Variants in PHF14 observed in about 807,000 individuals in gnomAD.
PHF14 encodes the protein PHD finger protein 14.
In PHF14, 55 loss-of-function variants were observed where a neutral mutation model predicts 117.9. The observed-to-expected ratio is 0.47, with a 90% CI of 0.38 to 0.58. PHF14 has a LOEUF of 0.58. Among genes scored for constraint, PHF14 ranks in the 20% least tolerant of loss-of-function variants. The pLI is 0.00. For synonymous variants in PHF14, 409 were observed against 368.6 expected, an observed-to-expected ratio of 1.11 and a Z score of -1.26; for missense variants, 978 against 1,122.2, an observed-to-expected ratio of 0.87 and a Z score of 1.84.
chr7:11,013,470 A>G (rs1457459004), intron 4 of PHF14, among the ~76,000 whole-genome samples: 1 of 152,066 alleles, frequency 6.6e-6, no homozygotes. Flanking sequence ...CCTAATTTTT[A>G]TATTTTTTAA....
intron 4 of PHF14, among the ~76,000 whole-genome samples, chr7:10,998,856 A>G (rs1220821902): frequency 6.6e-6 from 1 of 152,202 alleles, no homozygotes; most frequent in Non-Finnish European, 1.5e-5. Context: ...AATGCTGAGT[A>G]CCATCTCTAC....
intron 4 of PHF14, among the ~76,000 whole-genome samples, chr7:11,005,228 A>C (rs950658974): frequency 1.3e-5 from 2 of 152,180 alleles, no homozygotes; most frequent in African/African-American, 4.8e-5. Flanking sequence ...CACTGATTAC[A>C]ATTACACTGA....
chr7:11,124,613 C>T (rs756546310), intron 17 of PHF14, among the ~76,000 whole-genome samples: 24 of 151,844 alleles, frequency 1.6e-4, no homozygotes, highest in Admixed American at 1.1e-3. Flanking sequence ...TATCTCCTTT[C>T]TGCAGATGAA....
chr7:10,999,435 CTT>C (rs1283866031), intron 4 of PHF14, among the ~76,000 whole-genome samples: 1 of 152,134 alleles, frequency 6.6e-6, no homozygotes, highest in Non-Finnish European at 1.5e-5. Flanking sequence ...TAAAGCAACT[CTT>C]TTACTATAGC....
chr7:11,104,944 TA>T (rs1202574940), intron 16 of PHF14: 27 of 959,714 alleles, frequency 2.8e-5, no homozygotes, highest in Non-Finnish European at 3.2e-5. Flanking sequence ...AACATCTCCT[TA>T]AAAGGTCCCT....
chr7:11,144,686 T>A (rs1158987523), intron 17 of PHF14, among the ~76,000 whole-genome samples: 1 of 151,270 alleles, frequency 6.6e-6, no homozygotes, highest in Non-Finnish European at 1.5e-5. Flanking sequence ...AGTAATTTAG[T>A]GTATATTCTT....
At chr7:11,049,541 A>T (rs1784784023) in intron 13 of PHF14, among the ~76,000 whole-genome samples, 2 of 152,014 alleles carry the variant, frequency 1.3e-5, no homozygotes, top group Admixed American at 1.3e-4. Flanking sequence ...CACTCAACTG[A>T]TAGAAATGAT....
intron 17 of PHF14, among the ~76,000 whole-genome samples, chr7:11,165,283 C>G (rs1407516938): frequency 1.3e-5 from 2 of 152,110 alleles, no homozygotes; most frequent in Admixed American, 6.6e-5. Context: ...CTGATGTTTT[C>G]TCAGATTAGA....
chr7:11,144,297 C>T (rs773154317), intron 17 of PHF14, among the ~76,000 whole-genome samples: 40 of 151,846 alleles, frequency 2.6e-4, no homozygotes, highest in Admixed American at 7.2e-4. Flanking sequence ...TTATGGAAAA[C>T]AGTATGGATG....
At chr7:11,063,595 A>ATT (rs917394197) in intron 16 of PHF14, 30 of 748,708 alleles carry the variant, frequency 4.0e-5, no homozygotes, top group South Asian at 6.0e-5. Context: ...TGTCTTACTA[A>ATT]TTTTTTTTTT....
chr7:11,068,373 A>AT, intron 16 of PHF14, among the ~76,000 whole-genome samples: 1 of 150,856 alleles, frequency 6.6e-6, no homozygotes, highest in Non-Finnish European at 1.5e-5. Flanking sequence ...AAAAAAAAAA[A>AT]TCTGATACTG....
chr7:11,106,424 T>C (rs1787267844), intron 16 of PHF14: 1 of 951,818 alleles, frequency 1.1e-6, no homozygotes, highest in Non-Finnish European at 1.3e-6. Flanking sequence ...AATTATTTTG[T>C]ATAGAAACTG....
At position 11,096,059 on chromosome 7, in the gene PHF14, T is replaced by G. The variant is rs1301300995; in HGVS notation, c.2655-15291T>G. On this transcript the variant is annotated intron_variant, in intron 16 of 17. Coordinates refer to ENST00000634607, the MANE Select transcript of PHF14 (RefSeq NM_001007157.2). The stretch of plus-strand genomic sequence containing the variant: ...TTGTGTCTTTGTCAGAATGCTAACT[T>G]TTAAAGGTTTATTTTAAATAAGGAA... Among the ~76,000 whole-genome samples, 3 of 152,130 alleles carry G rather than the reference T, an allele frequency of 2.0e-5. No individual in the cohort carries two copies. The South Asian group carries it at 6.2e-4, about 32-fold the overall frequency.
chr7:11,077,876 TA>T (rs1053963862), intron 16 of PHF14, among the ~76,000 whole-genome samples: 1 of 152,208 alleles, frequency 6.6e-6, no homozygotes, highest in African/African-American at 2.4e-5. Flanking sequence ...CTTCATAAAA[TA>T]AATGTCAGTT....
At chr7:11,074,412 G>A (rs550865501) in intron 16 of PHF14, among the ~76,000 whole-genome samples, 4 of 151,898 alleles carry the variant, frequency 2.6e-5, no homozygotes, top group East Asian at 1.9e-4. Context: ...GGGTTTCGCC[G>A]TGTTAGCCAG....
chr7:11,097,392 G>T (rs1355502829), intron 16 of PHF14, among the ~76,000 whole-genome samples: 4 of 152,134 alleles, frequency 2.6e-5, no homozygotes, highest in African/African-American at 9.7e-5. Flanking sequence ...GATTTAAGGT[G>T]ACTAATCTAT....
At chr7:11,038,430 CAAAAAA>C (rs958555910) in intron 10 of PHF14, among the ~76,000 whole-genome samples, 2 of 50,444 alleles carry the variant, frequency 4.0e-5, no homozygotes, top group Non-Finnish European at 8.5e-5. Flanking sequence ...GACTCCATCT[CAAAAAA>C]AAAAAAAAAA....
chr7:11,024,534 C>T (rs987697667), intron 6 of PHF14, among the ~76,000 whole-genome samples: 9 of 152,086 alleles, frequency 5.9e-5, no homozygotes, highest in African/African-American at 1.2e-4. Context: ...GAGGTGAATG[C>T]GGCTGGTGAC....
intron 13 of PHF14, among the ~76,000 whole-genome samples, chr7:11,048,139 A>T (rs925221919): frequency 6.6e-6 from 1 of 152,194 alleles, no homozygotes; most frequent in Non-Finnish European, 1.5e-5. Context: ...CTCTATTCTC[A>T]TACAGTGTGC....
Sources: gnomAD v4.1 joint callset for allele counts (sites outside exome capture counted in the v4.1 genomes callset) on GRCh38, gnomAD v4.1.1 for gene constraint, MANE v1.5 for transcripts, NCBI Gene and HGNC (gene_info 2026-07-23, HGNC 2026-07-21) for gene names.